FOXN2: variants seen among roughly 807,000 people sequenced by gnomAD.
FOXN2 encodes forkhead box protein N2.
In FOXN2, 19 loss-of-function variants were observed where a neutral mutation model predicts 41.2. The observed-to-expected ratio is 0.46, with a 90% CI of 0.32 to 0.68. The LOEUF (loss-of-function observed/expected upper bound fraction) is 0.68. Ranked by LOEUF, FOXN2 falls within the 30% of genes least tolerant of loss-of-function variation. FOXN2 has a pLI of 0.03. For missense variants in FOXN2, 587 were observed against 509.4 expected (o/e 1.15, Z -1.47); for synonymous variants, 195 against 176.8 (o/e 1.10, Z -0.82).
intron 3 of FOXN2, among the ~76,000 whole-genome samples, chr2:48,357,039 T>C (rs761558987): frequency 7.9e-5 from 12 of 152,328 alleles, no homozygotes; most frequent in South Asian, 2.1e-4. Flanking sequence ...AGTGGAAAAT[T>C]AGTTACAAAT....
chr2:48,353,039 A>AT (rs1671553805), intron 3 of FOXN2, among the ~76,000 whole-genome samples: 1 of 152,168 alleles, frequency 6.6e-6, no homozygotes, highest in African/African-American at 2.4e-5. Flanking sequence ...GAAGGATTGG[A>AT]TTCAGGTATG....
In FOXN2 at chr2:48,375,406, C is replaced by G; in HGVS notation, c.1259C>G (p.Thr420Ser). 1 of 1,609,960 alleles carries G rather than the reference C, an allele frequency of 6.2e-7. No homozygotes were observed. The highest frequency in any genetic ancestry group is 8.5e-7 in the Non-Finnish European group (1 of 1,177,770). Residue 420 changes from threonine to serine, a missense_variant, in exon 7 of 7, where the codon ACT (threonine) becomes AGT (serine). By Grantham distance (58) the Thr-to-Ser change is moderately conservative (BLOSUM62 1). Coordinates refer to ENST00000340553, the MANE Select transcript of FOXN2 (RefSeq NM_002158.4). ...ACATGTTTAGGTTCCCTAATAAGTA[C>G]TGCAAAGACACAAAATCAAAAGCAA... is the stretch of plus-strand genomic sequence containing the variant. ...IRTCLGSLIS[T>S]AKTQNQKQRK...
intron 5 of FOXN2, among the ~76,000 whole-genome samples, chr2:48,363,857 A>G (rs1024864441): frequency 1.4e-4 from 21 of 152,244 alleles, no homozygotes; most frequent in African/African-American, 4.8e-4. Context: ...TCACACAGTG[A>G]CAAAATCACC....
chr2:48,363,569 T>G (rs1468080900), intron 5 of FOXN2, among the ~76,000 whole-genome samples: 1 of 152,172 alleles, frequency 6.6e-6, no homozygotes, highest in Non-Finnish European at 1.5e-5. Context: ...CCAGAGCAAT[T>G]CCGGTCCTTC....
At chr2:48,350,261 ATGGTGGAGAAACT>A (rs1671367139) in intron 3 of FOXN2, among the ~76,000 whole-genome samples, 1 of 152,164 alleles carries the variant, frequency 6.6e-6, no homozygotes, top group Non-Finnish European at 1.5e-5. Context: ...CATTCCCATT[ATGGTGGAGAAACT>A]CAGCCTAGTC....
At chr2:48,368,281 C>G (rs748092657) in intron 5 of FOXN2, among the ~76,000 whole-genome samples, 2 of 152,086 alleles carry the variant, frequency 1.3e-5, no homozygotes, top group African/African-American at 4.8e-5. Context: ...AAAAACAGAG[C>G]CACCTTTAAA....
At chr2:48,318,926 A>G (rs1196740483) in intron 1 of FOXN2, among the ~76,000 whole-genome samples, 2 of 152,244 alleles carry the variant, frequency 1.3e-5, no homozygotes, top group Non-Finnish European at 2.9e-5. Flanking sequence ...ATTAGCATAA[A>G]GTTTAAATAT....
At position 48,346,225 on chromosome 2, in the gene FOXN2, T is replaced by A; in HGVS notation, c.11T>A (p.Val4Glu). The stretch of plus-strand genomic sequence containing the variant: ...GAACTGTAAGAGTAAATGGGTCCAG[T>A]AATTGGAATGACTCCAGATAAGAGA... The part of the protein sequence containing the change: MGP[V>E]IGMTPDKRAE... The change falls in exon 3 of 7, where the codon GTA (valine) becomes GAA (glutamate). Residue 4 changes from valine to glutamate, a missense_variant. Transcript: ENST00000340553. The A allele has an allele frequency of 6.2e-7, 1 of 1,606,188 alleles. No homozygotes were observed. The highest frequency in any genetic ancestry group is 8.5e-7 in the Non-Finnish European group (1 of 1,176,776).
At chr2:48,316,110 G>A (rs1452988883) in intron 1 of FOXN2, among the ~76,000 whole-genome samples, 1 of 152,088 alleles carries the variant, frequency 6.6e-6, no homozygotes, top group Non-Finnish European at 1.5e-5. Flanking sequence ...TAACTGTGCT[G>A]TCGCCTCGCA....
intron 6 of FOXN2, 90 bp from the exon 7 acceptor site, chr2:48,374,830 G>C: frequency 9.5e-7 from 1 of 1,052,610 alleles, no homozygotes; most frequent in South Asian, 1.8e-5. Flanking sequence ...TAAAACATTT[G>C]TTGCTCAAGA....
chr2:48,317,595 CTT>C (rs574980247), intron 1 of FOXN2, among the ~76,000 whole-genome samples: 144 of 34,702 alleles, frequency 4.1e-3, no homozygotes, highest in African/African-American at 7.3e-3. Context: ...TATAGTATTG[CTT>C]TTTTTTTTTT....
At chr2:48,332,699 T>A (rs1670089703) in intron 2 of FOXN2, among the ~76,000 whole-genome samples, 1 of 152,218 alleles carries the variant, frequency 6.6e-6, no homozygotes, top group Non-Finnish European at 1.5e-5. Context: ...AGCTAATAAT[T>A]TTAAAATTTA....
intron 5 of FOXN2, among the ~76,000 whole-genome samples, chr2:48,369,222 A>G (rs1042735069): frequency 6.6e-6 from 1 of 152,168 alleles, no homozygotes; most frequent in Non-Finnish European, 1.5e-5. Context: ...TGTTCCTTGA[A>G]TCATAATGGA....
chr2:48,348,082 AAT>A (rs1671230371), intron 3 of FOXN2, among the ~76,000 whole-genome samples: 1 of 151,302 alleles, frequency 6.6e-6, no homozygotes, highest in African/African-American at 2.4e-5. Flanking sequence ...GTGGTTCTTA[AAT>A]ATATGGTTTA....
At chr2:48,327,743 C>G (rs1669774098) in intron 1 of FOXN2, among the ~76,000 whole-genome samples, 1 of 152,208 alleles carries the variant, frequency 6.6e-6, no homozygotes, top group Non-Finnish European at 1.5e-5. Flanking sequence ...ACGTGTCCAG[C>G]TGGAGATAGT....
At chr2:48,357,814 G>A (rs1671901139) in intron 3 of FOXN2, among the ~76,000 whole-genome samples, 1 of 136,074 alleles carries the variant, frequency 7.3e-6, no homozygotes, top group Non-Finnish European at 1.5e-5. Flanking sequence ...GCTAAGTTAA[G>A]AAGTTTCATT....
intron 4 of FOXN2, among the ~76,000 whole-genome samples, chr2:48,360,528 T>A (rs149313347): frequency 6.6e-6 from 1 of 152,158 alleles, no homozygotes; most frequent in African/African-American, 2.4e-5. Flanking sequence ...AGTTGAAATA[T>A]CAGTAATATA....
chr2:48,332,110 A>G (rs1670054204), intron 2 of FOXN2, among the ~76,000 whole-genome samples: 1 of 152,164 alleles, frequency 6.6e-6, no homozygotes, highest in Admixed American at 6.5e-5. Flanking sequence ...ACTAGGAGAT[A>G]TTTATATTCC....
intron 3 of FOXN2, among the ~76,000 whole-genome samples, chr2:48,354,267 A>T (rs890439907): frequency 3.3e-5 from 5 of 152,326 alleles, no homozygotes; most frequent in African/African-American, 1.2e-4. Flanking sequence ...GAAGTTGTTG[A>T]GAAAGTAGCA....
Sources: allele counts gnomAD v4.1 joint callset (sites outside exome capture counted in the v4.1 genomes callset), GRCh38; gene constraint gnomAD v4.1.1; transcripts MANE v1.5; gene names NCBI Gene and HGNC (gene_info 2026-07-23, HGNC 2026-07-21).